The following NUGGC variants were observed in gnomAD, a reference collection of about 807,000 sequenced individuals.
NUGGC encodes the protein nuclear GTPase, germinal center associated.
NUGGC carries 58 observed loss-of-function variants against 92.6 expected under a neutral mutation model. The observed-to-expected ratio is 0.63, with a 90% CI of 0.51 to 0.78. The LOEUF (loss-of-function observed/expected upper bound fraction) is 0.78, where lower values mean the gene tolerates loss of function less well. NUGGC is among the 30% of genes least tolerant of loss of function. The pLI is 0.00. For missense variants in NUGGC, 925 were observed against 964.6 expected, an observed-to-expected ratio of 0.96 and a Z score of 0.54; for synonymous variants, 376 against 366.4, an observed-to-expected ratio of 1.03 and a Z score of -0.30.
intron 17 of NUGGC, among the ~76,000 whole-genome samples, chr8:28,027,945 T>C (rs1189345498): frequency 6.6e-6 from 1 of 152,126 alleles, no homozygotes; most frequent in East Asian, 1.9e-4. Context: ...TACAGGACTA[T>C]TGCGAAGAGG....
intron 12 of NUGGC, among the ~76,000 whole-genome samples, chr8:28,044,945 A>G (rs1049826358): frequency 6.6e-5 from 10 of 152,216 alleles, no homozygotes; most frequent in African/African-American, 2.2e-4. Flanking sequence ...GTTAAAAAGA[A>G]ACCATCCATG....
intron 6 of NUGGC, among the ~76,000 whole-genome samples, chr8:28,065,152 C>CT (rs5890398): frequency 0.025 from 1,993 of 79,938 alleles, 220 homozygotes; most frequent in African/African-American, 0.062. Context: ...GAAATTGGAT[C>CT]TTTTTTTTTT....
At position 28,027,174 on chromosome 8, in the gene NUGGC, G is replaced by T. The variant is rs1585549902; in HGVS notation, c.2155-122C>A. 3.0e-5 allele frequency: 23 copies of T among 756,322 alleles called. No homozygotes were observed. The East Asian group carries it at 5.7e-4, about 19-fold the overall frequency. The allele number at this position is 756,322 out of a possible 1,614,324, so 46.9% of individuals were successfully genotyped here. ...GTACAGACTGGGGTTGCCAAAGTCAGGCTTTGCAACCCAGTTGCAAAACGG... is the reference window on the plus strand; with the variant it reads ...GTACAGACTGGGGTTGCCAAAGTCATGCTTTGCAACCCAGTTGCAAAACGG... On this transcript the variant is annotated intron_variant, in intron 17 of 18. Coordinates refer to ENST00000413272, the MANE Select transcript of NUGGC (RefSeq NM_001010906.2).
At chr8:28,075,236 C>T (rs1377653771) in intron 1 of NUGGC, among the ~76,000 whole-genome samples, 1 of 152,130 alleles carries the variant, frequency 6.6e-6, no homozygotes, top group African/African-American at 2.4e-5. Flanking sequence ...GTTCCCTGGA[C>T]CTTCCTCACC....
chr8:28,058,149 G>A (rs185974647), intron 9 of NUGGC, 109 bp downstream of exon 9: 10 of 198,102 alleles, frequency 5.0e-5, no homozygotes, highest in East Asian at 1.6e-4. Context: ...CCGAGATCGC[G>A]CCAATGCACT....
Position 28,067,800 on chromosome 8 carries a change from C to G in NUGGC, c.481-56G>C, listed in dbSNP as rs1810479324. On this transcript the variant is annotated intron_variant, in intron 5 of 18. Transcript: ENST00000413272. ...TTGACACAGACACAGAGAACACCGACAAACAGAGGGGCCCATTGCCCCCTG... is the reference window on the plus strand; with the variant it reads ...TTGACACAGACACAGAGAACACCGAGAAACAGAGGGGCCCATTGCCCCCTG... 7 of 1,382,454 alleles carry G rather than the reference C, an allele frequency of 5.1e-6. No individual in the cohort carries two copies. The Admixed American group carries it at 1.3e-4, about 26-fold the overall frequency. 85.6% of individuals were successfully genotyped at this position (1,382,454 alleles called of 1,614,324 possible). A position where few individuals can be genotyped will look rare whatever the true frequency, so the allele number is the denominator to read the frequency against.
Position 28,033,700 on chromosome 8 carries a change from A to G in NUGGC, c.1612-3T>C, listed in dbSNP as rs1809482373. ...AAACCTTGGTTTCCTTTACTCCTCT[A>G]GACAATCAACAATAAATTAGCAGAG... On this transcript the variant is annotated splice_polypyrimidine_tract_variant and splice_region_variant and intron_variant, in intron 13 of 18. Transcript: ENST00000413272. 2 of 1,613,502 alleles carry G rather than the reference A, an allele frequency of 1.2e-6. No individual in the cohort carries two copies. The highest frequency in any genetic ancestry group is 1.7e-5 in the Admixed American group (1 of 59,982).
intron 1 of NUGGC, among the ~76,000 whole-genome samples, chr8:28,079,932 T>TTTTG (rs10689963): frequency 0.6 from 91,204 of 150,838 alleles, 27,830 homozygotes; most frequent in East Asian, 0.72. Flanking sequence ...TTCTTTGTTT[T>TTTTG]TTTGTTTGTT....
chr8:28,069,567 G>C lies in NUGGC; in HGVS notation c.234C>G (p.Ile78Met). 6.3e-7 allele frequency: 1 copy of C among 1,594,262 alleles called. No homozygotes were observed. Among genetic ancestry groups the C allele is most frequent in the East Asian group, 2.2e-5 (1 of 44,782 alleles). ...LIQSVFLDDS[I>M]PNGVKYLINR... is the part of the protein sequence containing the mutation. ...ACATGAGATACTTGACTCCATTAGG[G>C]ATGCTGTCATCCAGGAAGACAGACT... The change falls in exon 4 of 19, where the codon ATC (isoleucine) becomes ATG (methionine). Residue 78 changes from isoleucine to methionine, a missense_variant. Transcript: ENST00000413272.
chr8:28,060,390 A>C (rs988746981), intron 8 of NUGGC, 36 bp downstream of exon 8: 1 of 1,606,086 alleles, frequency 6.2e-7, no homozygotes. Flanking sequence ...AAAGCCCCTG[A>C]CTGGAGCCCA....
chr8:28,040,371 A>G (rs1290741636), intron 13 of NUGGC, among the ~76,000 whole-genome samples: 1 of 152,202 alleles, frequency 6.6e-6, no homozygotes, highest in East Asian at 1.9e-4. Context: ...TATCAACACT[A>G]CCAGATAGGT....
At chr8:28,075,042 A>C (rs551754288) in intron 1 of NUGGC, among the ~76,000 whole-genome samples, 1 of 152,332 alleles carries the variant, frequency 6.6e-6, no homozygotes, top group East Asian at 1.9e-4. Flanking sequence ...AGGTGAATTT[A>C]TATAGCTTCG....
chr8:28,082,569 C>T (rs745573816), intron 1 of NUGGC, among the ~76,000 whole-genome samples: 1 of 152,180 alleles, frequency 6.6e-6, no homozygotes. Flanking sequence ...CCTGATTCTC[C>T]CCATTTCTAG....
chr8:28,056,548 G>A (rs1049181659), intron 9 of NUGGC, among the ~76,000 whole-genome samples: 2 of 150,588 alleles, frequency 1.3e-5, no homozygotes, highest in Non-Finnish European at 2.9e-5. Flanking sequence ...CCACTTATAC[G>A]TGGATTCTTT....
At chr8:28,072,778 T>C (rs922471898) in intron 2 of NUGGC, among the ~76,000 whole-genome samples, 1 of 152,126 alleles carries the variant, frequency 6.6e-6, no homozygotes, top group Admixed American at 6.5e-5. Flanking sequence ...CAAAATAAAC[T>C]TGTCCGAATT....
chr8:28,067,695 T>A lies in NUGGC; in HGVS notation c.530A>T (p.Glu177Val), dbSNP rs746838014. ...KNLTKLLHRT[E>V]ELSREEADAW... is the part of the protein sequence containing the mutation. Reference sequence around the variant, plus strand: ...ATCTGCCTCTTCTCTGCTCAGCTCCTCCGTCCTATGCAGGAGTTTGGTCAG... The same window carrying A: ...ATCTGCCTCTTCTCTGCTCAGCTCCACCGTCCTATGCAGGAGTTTGGTCAG... The change falls in exon 6 of 19, where the codon GAG becomes GTG. Residue 177 changes from glutamate to valine, a missense_variant. Glu to Val is a moderately radical substitution (Grantham distance 121). Transcript: ENST00000413272. The A allele has an allele frequency of 3.7e-6, 6 of 1,613,964 alleles. No individual in the cohort carries two copies. In the South Asian group the frequency reaches 5.5e-5, roughly 15 times the overall value.
chr8:28,050,871 T>C (rs1809982693), intron 10 of NUGGC, among the ~76,000 whole-genome samples: 2 of 152,086 alleles, frequency 1.3e-5, no homozygotes, highest in African/African-American at 2.4e-5. Context: ...GTGACATAAA[T>C]CATGACTCAT....
rs552593926 is a variant in NUGGC, at chr8:28,060,464, G to A, written c.1059C>T (p.Val353=). Residue 353 remains valine, a synonymous_variant, in exon 8 of 19, where the codon GTC becomes GTT. Transcript: ENST00000413272. ...GCAAGTGGAGTTTGTCCATCTTGGT[G>A]ACCACCAGGGCCACGTCCCTACAGA... ...RGFCRDVALV[V]TKMDKLHLPE... The A allele has an allele frequency of 1.2e-6, 2 of 1,613,844 alleles. No individual in the cohort carries two copies. Among genetic ancestry groups the A allele is most frequent in the East Asian group, 2.2e-5 (1 of 44,880 alleles).
rs1810309149 is a variant in NUGGC, at chr8:28,061,668, G to A, written c.922-1067C>T. The stretch of plus-strand genomic sequence containing the variant: ...AATTGGTAAGTCCAGTACAATCGGG[G>A]CTAATGATGGTTATGATTCCAGCTT... On this transcript the variant is annotated intron_variant, in intron 7 of 18. Coordinates refer to ENST00000413272, the MANE Select transcript of NUGGC (RefSeq NM_001010906.2). Among the ~76,000 whole-genome samples, 10 of 152,168 alleles carry A rather than the reference G, an allele frequency of 6.6e-5. No homozygotes were observed. The South Asian group carries it at 2.1e-3, about 32-fold the overall frequency.
Sources: gnomAD v4.1 joint callset for allele counts (sites outside exome capture counted in the v4.1 genomes callset) on GRCh38, gnomAD v4.1.1 for gene constraint, MANE v1.5 for transcripts, NCBI Gene and HGNC (gene_info 2026-07-23, HGNC 2026-07-21) for gene names.